The following PTPRM variants were observed in gnomAD, a reference collection of about 807,000 sequenced individuals.
PTPRM encodes the protein receptor-type tyrosine-protein phosphatase mu.
In PTPRM, 47 loss-of-function variants were observed where a neutral mutation model predicts 186.7. The observed-to-expected ratio is 0.25, with a 90% CI of 0.20 to 0.32. The LOEUF (loss-of-function observed/expected upper bound fraction) is 0.32. PTPRM is among the 10% of genes least tolerant of loss of function. PTPRM has a pLI of 1.00. For synonymous variants in PTPRM, 668 were observed against 674.9 expected, an observed-to-expected ratio of 0.99 and a Z score of 0.16; for missense variants, 1,494 against 1,865.0, an observed-to-expected ratio of 0.80 and a Z score of 3.66.
chr18:8,144,646 A>G (rs1466400712), intron 14 of PTPRM, among the ~76,000 whole-genome samples: 2 of 152,192 alleles, frequency 1.3e-5, no homozygotes, highest in Non-Finnish European at 2.9e-5. Context: ...GCCAAGGGAT[A>G]GTCTGGGGGA....
At chr18:7,986,668 AT>A (rs1169066438) in intron 7 of PTPRM, among the ~76,000 whole-genome samples, 2 of 152,176 alleles carry the variant, frequency 1.3e-5, no homozygotes, top group African/African-American at 4.8e-5. Flanking sequence ...AATGGCCTAA[AT>A]TTAGCAAATG....
At chr18:7,575,959 T>C (rs2036677442) in intron 1 of PTPRM, among the ~76,000 whole-genome samples, 2 of 152,202 alleles carry the variant, frequency 1.3e-5, no homozygotes, top group Admixed American at 1.3e-4. Flanking sequence ...GAGAATCTGA[T>C]TGAAGATGGC....
intron 1 of PTPRM, among the ~76,000 whole-genome samples, chr18:7,628,811 A>G (rs573873327): frequency 1.4e-4 from 21 of 152,142 alleles, no homozygotes; most frequent in Non-Finnish European, 8.8e-5. Flanking sequence ...GTACATTTCT[A>G]TGGAACAGGC....
chr18:8,353,859 T>C (rs774877252), intron 23 of PTPRM, among the ~76,000 whole-genome samples: 5 of 152,146 alleles, frequency 3.3e-5, no homozygotes, highest in Non-Finnish European at 5.9e-5. Flanking sequence ...TTGGCTGCAC[T>C]GAGGATATCA....
intron 2 of PTPRM, among the ~76,000 whole-genome samples, chr18:7,842,947 T>TATATATATAGAGAGAGAGAGAGAG (rs370746043): frequency 1.3e-4 from 15 of 112,116 alleles, no homozygotes; most frequent in African/African-American, 5.9e-4. Flanking sequence ...TATATATATA[T>TATATATATAGAGAGAGAGAGAGAG]AGAGAGAGAG....
chr18:7,816,058 A>C (rs2145548954), intron 2 of PTPRM, among the ~76,000 whole-genome samples: 1 of 152,316 alleles, frequency 6.6e-6, no homozygotes, highest in Non-Finnish European at 1.5e-5. Flanking sequence ...TATGTGCCTT[A>C]GGTCCCAGTT....
intron 4 of PTPRM, among the ~76,000 whole-genome samples, chr18:7,918,772 C>G (rs1016501403): frequency 6.6e-6 from 1 of 152,110 alleles, no homozygotes; most frequent in Non-Finnish European, 1.5e-5. Flanking sequence ...TTGATTGTTT[C>G]CTTTGCTGTG....
At chr18:8,102,165 A>G (rs2091319909) in intron 11 of PTPRM, among the ~76,000 whole-genome samples, 1 of 152,214 alleles carries the variant, frequency 6.6e-6, no homozygotes, top group Non-Finnish European at 1.5e-5. Context: ...TGAGCCTTCA[A>G]TGAGGCATAA....
At position 8,314,810 on chromosome 18, in the gene PTPRM, A is replaced by G. The variant is rs774597471; in HGVS notation, c.2872A>G (p.Ile958Val). Residue 958 changes from isoleucine to valine, a missense_variant, in exon 21 of 33, where the codon ATA becomes GTA. Ile to Val is a conservative substitution (Grantham distance 29). This residue lies in a region of PTPRM where 1,107 missense variants were observed against 1,350.2 expected (regional missense o/e 0.82). Coordinates refer to ENST00000580170, the MANE Select transcript of PTPRM (RefSeq NM_001105244.2). ...TCATTCCCGAGTGAGGCTGCAGACAATAGAAGGAGACACAAACTCAGACTA... is the reference window on the plus strand; with the variant it reads ...TCATTCCCGAGTGAGGCTGCAGACAGTAGAAGGAGACACAAACTCAGACTA... Reference protein sequence around the residue: ...YDHSRVRLQTIEGDTNSDYIN... With the variant: ...YDHSRVRLQTVEGDTNSDYIN... 1 of 1,612,276 alleles carries G rather than the reference A, an allele frequency of 6.2e-7. No individual in the cohort carries two copies. The highest frequency in any genetic ancestry group is 2.2e-5 in the East Asian group (1 of 44,818).
At chr18:7,756,891 A>G (rs16952506) in intron 1 of PTPRM, among the ~76,000 whole-genome samples, 17,321 of 152,078 alleles carry the variant, frequency 0.11, 1,950 homozygotes, top group African/African-American at 0.29. Flanking sequence ...GGAATCATCA[A>G]TGTGGCAGTG....
intron 23 of PTPRM, among the ~76,000 whole-genome samples, chr18:8,363,743 G>C (rs2095611065): frequency 6.6e-6 from 1 of 152,154 alleles, no homozygotes; most frequent in Non-Finnish European, 1.5e-5. Flanking sequence ...TAGTTTGAGT[G>C]ATGCTGCTTT....
chr18:8,330,602 G>A (rs1348410820), intron 22 of PTPRM, among the ~76,000 whole-genome samples: 1 of 151,904 alleles, frequency 6.6e-6, no homozygotes, highest in Non-Finnish European at 1.5e-5. Context: ...CTTGACAGAA[G>A]GCAGCCAGAT....
chr18:8,227,563 C>G (rs1390169360), intron 14 of PTPRM, among the ~76,000 whole-genome samples: 1 of 152,134 alleles, frequency 6.6e-6, no homozygotes, highest in Non-Finnish European at 1.5e-5. Flanking sequence ...TATCAGGCCC[C>G]CATTGTCCTA....
At chr18:8,353,415 T>G (rs1479458153) in intron 23 of PTPRM, among the ~76,000 whole-genome samples, 1 of 151,786 alleles carries the variant, frequency 6.6e-6, no homozygotes, top group Non-Finnish European at 1.5e-5. Flanking sequence ...TATGGAAGAG[T>G]ATGGAGACAC....
At chr18:8,160,257 C>A (rs1205262964) in intron 14 of PTPRM, among the ~76,000 whole-genome samples, 2 of 151,984 alleles carry the variant, frequency 1.3e-5, no homozygotes, top group African/African-American at 4.8e-5. Context: ...TAAGGGAAGT[C>A]AGGGAGAACT....
At chr18:8,073,722 T>C (rs1600406446) in intron 8 of PTPRM, among the ~76,000 whole-genome samples, 2 of 152,158 alleles carry the variant, frequency 1.3e-5, no homozygotes, top group Admixed American at 1.3e-4. Flanking sequence ...CTGGGAAACA[T>C]AGTGAGACCC....
chr18:7,675,021 AGT>A (rs2039303068), intron 1 of PTPRM, among the ~76,000 whole-genome samples: 1 of 152,310 alleles, frequency 6.6e-6, no homozygotes, highest in Admixed American at 6.5e-5. Flanking sequence ...TCTTGTAAAG[AGT>A]GTTGTAAGTT....
intron 2 of PTPRM, among the ~76,000 whole-genome samples, chr18:7,867,094 T>C (rs9964752): frequency 0.021 from 3,127 of 152,316 alleles, 96 homozygotes; most frequent in African/African-American, 0.072. Context: ...TGTGTGTCTT[T>C]GCATGTGAGA....
At chr18:7,751,817 T>A (rs1286148504) in intron 1 of PTPRM, among the ~76,000 whole-genome samples, 1 of 151,958 alleles carries the variant, frequency 6.6e-6, no homozygotes, top group Non-Finnish European at 1.5e-5. Flanking sequence ...CTCTAGGGCA[T>A]GATTCTTCCT....
Sources: allele counts gnomAD v4.1 joint callset (sites outside exome capture counted in the v4.1 genomes callset), GRCh38; gene constraint gnomAD v4.1.1; regional missense constraint gnomAD v4.1.1; transcripts MANE v1.5; gene names NCBI Gene and HGNC (gene_info 2026-07-23, HGNC 2026-07-21).